ANTXRL: variants seen among roughly 807,000 people sequenced by gnomAD.
ANTXRL encodes ANTXR like, also known as anthrax toxin receptor-like.
In ANTXRL, 63 loss-of-function variants were observed where a neutral mutation model predicts 75.4. That is an observed-to-expected ratio of 0.84 (90% confidence interval 0.68 to 1.03). The LOEUF (loss-of-function observed/expected upper bound fraction) is 1.03, where lower values mean the gene tolerates loss of function less well. Ranked by LOEUF, ANTXRL falls within the 50% of genes least tolerant of loss-of-function variation. The pLI, the probability that ANTXRL is intolerant of heterozygous loss-of-function variation, is 0.00. For missense variants in ANTXRL, 797 were observed against 789.4 expected, an observed-to-expected ratio of 1.01 and a Z score of -0.12; for synonymous variants, 335 against 291.3, an observed-to-expected ratio of 1.15 and a Z score of -1.53.
In ANTXRL at chr10:46,306,962, C is replaced by T. The variant is rs1554962081; in HGVS notation, c.965+90C>T. 6 of 1,103,838 alleles carry T rather than the reference C, an allele frequency of 5.4e-6. No homozygotes were observed. In the East Asian group the frequency reaches 1.3e-4, roughly 24 times the overall value. The allele number at this position is 1,103,838 out of a possible 1,614,324, so 68.4% of individuals were successfully genotyped here. A position where few individuals can be genotyped will look rare whatever the true frequency, so the allele number is the denominator to read the frequency against. On this transcript the variant is annotated intron_variant, in intron 11 of 16. Transcript: ENST00000620264. ...GTGTACAAAATGTGGATGCCCCCCA[C>T]CCCCTGCTGGGACAGCACATATCTG... is the stretch of plus-strand genomic sequence containing the variant.
At chr10:46,305,254 C>T (rs1838004387) in intron 10 of ANTXRL, among the ~76,000 whole-genome samples, 1 of 152,156 alleles carries the variant, frequency 6.6e-6, no homozygotes, top group Admixed American at 6.5e-5. Context: ...CCCTGTAGGG[C>T]AGCAGGGGCA....
At chr10:46,304,931 C>T (rs1341447025) in intron 10 of ANTXRL, among the ~76,000 whole-genome samples, 1 of 152,194 alleles carries the variant, frequency 6.6e-6, no homozygotes, top group African/African-American at 2.4e-5. Flanking sequence ...ATCTACATCT[C>T]CATACACAGG....
chr10:46,310,397 C>T (rs1188042494), intron 13 of ANTXRL, 64 bp from the exon 14 acceptor site: 1 of 1,467,610 alleles, frequency 6.8e-7, no homozygotes, highest in Admixed American at 2.0e-5. Context: ...CAGCTGTGTG[C>T]AGGGCCAAGG....
At chr10:46,317,388 C>T (rs1323242480) in intron 16 of ANTXRL, among the ~76,000 whole-genome samples, 2 of 152,128 alleles carry the variant, frequency 1.3e-5, no homozygotes, top group Non-Finnish European at 2.9e-5. Flanking sequence ...CACTTGCAGA[C>T]CTCCTTCTAA....
intron 16 of ANTXRL, among the ~76,000 whole-genome samples, chr10:46,326,931 G>T (rs1407087698): frequency 2.0e-5 from 3 of 152,220 alleles, no homozygotes; most frequent in African/African-American, 7.2e-5. Context: ...GCAGGGTGAG[G>T]GTGCTGTTAT....
chr10:46,307,545 G>C, intron 12 of ANTXRL, 65 bp downstream of exon 12: 1 of 1,417,092 alleles, frequency 7.1e-7, no homozygotes, highest in Non-Finnish European at 9.6e-7. Flanking sequence ...ACTAGAAGGA[G>C]CACAGAAAAG....
intron 12 of ANTXRL, among the ~76,000 whole-genome samples, chr10:46,307,950 G>T (rs1370977289): frequency 6.6e-6 from 1 of 152,118 alleles, no homozygotes; most frequent in African/African-American, 2.4e-5. Flanking sequence ...CCCTCCTGCT[G>T]CTGAAGGGGA....
chr10:46,308,591 G>C (rs1838241837), intron 12 of ANTXRL: 2 of 378,338 alleles, frequency 5.3e-6, no homozygotes, highest in South Asian at 3.9e-5. Flanking sequence ...ATGTGGCCCT[G>C]GTTCTGAGCC....
rs1229784184 is a variant in ANTXRL at position 46,311,658 on chromosome 10, G to A, written c.1322G>A (p.Arg441Lys). Reference protein sequence around the residue: ...CGCQGVGGMRRIEGNLDTFCD... With the variant: ...CGCQGVGGMRKIEGNLDTFCD... ...TGCCAAGGAGTGGGCGGGATGAGAA[G>A]GATAGAGGTGAGAAGGGCACAGTGG... The change falls in exon 15 of 17, where the codon AGG (arginine) becomes AAG (lysine). Residue 441 changes from arginine to lysine, a missense_variant. Arg to Lys is a conservative substitution (Grantham distance 26). This residue lies in a region of ANTXRL where 479 missense variants were observed against 422.0 expected (regional missense o/e 1.14). Coordinates refer to ENST00000620264, the MANE Select transcript of ANTXRL (RefSeq NM_001278688.3). 2 of 1,073,642 alleles carry A rather than the reference G, an allele frequency of 1.9e-6. No homozygotes were observed. Among genetic ancestry groups the A allele is most frequent in the Non-Finnish European group, 1.4e-6 (1 of 724,592 alleles). The allele number at this position is 1,073,642 out of a possible 1,614,324, so 66.5% of individuals were successfully genotyped here.
At chr10:46,320,069 A>C (rs1031476466) in intron 16 of ANTXRL, among the ~76,000 whole-genome samples, 1 of 152,162 alleles carries the variant, frequency 6.6e-6, no homozygotes, top group African/African-American at 2.4e-5. Flanking sequence ...TGGCTATTTG[A>C]TATGGCTAAC....
intron 1 of ANTXRL, among the ~76,000 whole-genome samples, chr10:46,289,654 G>C (rs568168349): frequency 2.0e-5 from 3 of 152,126 alleles, no homozygotes; most frequent in Admixed American, 6.5e-5. Context: ...GCTTGAGCCT[G>C]AGAGGTCAAG....
chr10:46,305,269 C>T (rs1554961598), intron 10 of ANTXRL, among the ~76,000 whole-genome samples: 1 of 152,138 alleles, frequency 6.6e-6, no homozygotes, highest in African/African-American at 2.4e-5. Context: ...GGGGCAGAGC[C>T]TGGTTCTGGC....
rs1479419888 is a variant in ANTXRL at position 46,329,993 on chromosome 10, C to CT, written c.1806dup (p.Pro603SerfsTer?). 2.6e-6 allele frequency: 4 copies of CT among 1,535,410 alleles called. No homozygotes were observed. The highest frequency in any genetic ancestry group is 3.5e-6 in the Non-Finnish European group (4 of 1,146,632). On this transcript the variant is annotated frameshift_variant, in exon 17 of 17. Transcript: ENST00000620264. LOFTEE classifies it high-confidence loss of function. ...CTCCCCCCAGCTAGGTGCTTGAGGC[C>CT]TCCCTCCAGGATGCTGCCGCTGCTG...
intron 2 of ANTXRL, among the ~76,000 whole-genome samples, chr10:46,293,291 TGTGTGCCTGTGTGTGTGTGC>T (rs1837106209): frequency 4.2e-5 from 2 of 47,282 alleles, no homozygotes; most frequent in Non-Finnish European, 6.2e-5. Flanking sequence ...AGTGTGTGCG[TGTGTGCCTGTGTGTGTGTGC>T]GTGTGTGCCT....
At chr10:46,308,564 C>G (rs1352593774) in intron 12 of ANTXRL, 3 of 415,174 alleles carry the variant, frequency 7.2e-6, no homozygotes, top group Non-Finnish European at 1.5e-5. Flanking sequence ...GAGAACTGTT[C>G]CCGTTGCTTA....
chr10:46,293,815 T>C lies in ANTXRL; in HGVS notation c.321-14T>C. The C allele has an allele frequency of 6.5e-7, 1 of 1,535,184 alleles. No individual in the cohort carries two copies. The highest frequency in any genetic ancestry group is 8.7e-7 in the Non-Finnish European group (1 of 1,146,240). ...GTGCCACTGGCTTCTCACCAGCACA[T>C]GATTCCTTCACAGCCCAAATATTCG... On this transcript the variant is annotated splice_polypyrimidine_tract_variant and intron_variant, in intron 2 of 16. Coordinates refer to ENST00000620264, the MANE Select transcript of ANTXRL (RefSeq NM_001278688.3).
Position 46,310,495 on chromosome 10 carries a change from A to G in ANTXRL, c.1169A>G (p.Glu390Gly), listed in dbSNP as rs1366571963. The G allele has an allele frequency of 6.5e-7, 1 of 1,536,184 alleles. No homozygotes were observed. The highest frequency in any genetic ancestry group is 8.7e-7 in the Non-Finnish European group (1 of 1,146,750). Reference sequence around the variant, plus strand: ...GAGCCACCACCTGTGCAGAAGCCAGAAAAGGTAAGTTGCAGTTCTGGTCCC... The same window carrying G: ...GAGCCACCACCTGTGCAGAAGCCAGGAAAGGTAAGTTGCAGTTCTGGTCCC... ...VKEPPPVQKP[E>G]KEPEQEKPPS... The change falls in exon 14 of 17, where the codon GAA becomes GGA. Residue 390 changes from glutamate to glycine, a missense_variant. Glu to Gly is a moderately conservative substitution (Grantham distance 98). This residue lies in a region of ANTXRL where 479 missense variants were observed against 422.0 expected (regional missense o/e 1.14). Coordinates refer to ENST00000620264, the MANE Select transcript of ANTXRL (RefSeq NM_001278688.3).
intron 16 of ANTXRL, among the ~76,000 whole-genome samples, chr10:46,319,514 A>T (rs10752401): frequency 0.14 from 21,731 of 152,048 alleles, 5,112 homozygotes; most frequent in African/African-American, 0.49. Context: ...TTATGAAGCA[A>T]ACTGACCCAA....
At chr10:46,303,031 C>T (rs1278672361) in intron 10 of ANTXRL, among the ~76,000 whole-genome samples, 1 of 152,154 alleles carries the variant, frequency 6.6e-6, no homozygotes, top group Non-Finnish European at 1.5e-5. Flanking sequence ...CCATCTGTGC[C>T]TCAAGAGCAT....
Sources: allele counts gnomAD v4.1 joint callset (sites outside exome capture counted in the v4.1 genomes callset), GRCh38; gene constraint gnomAD v4.1.1; regional missense constraint gnomAD v4.1.1; transcripts MANE v1.5; gene names NCBI Gene and HGNC (gene_info 2026-07-23, HGNC 2026-07-21).